Variants in OR10G8 observed in about 807,000 individuals in gnomAD.
The protein encoded by OR10G8 is olfactory receptor family 10 subfamily G member 8.
For synonymous variants in OR10G8, 173 were observed against 163.2 expected (o/e 1.06, Z -0.46); for missense variants, 386 against 384.9 (o/e 1.00, Z -0.02).
At position 124,030,401 on chromosome 11, in the gene OR10G8, G is replaced by A; in HGVS notation, c.779G>A (p.Arg260Lys). ...FFGPGLFIYL[R>K]PGSRKAVDGV... ...GGCCCTGGTCTTTTCATTTACCTGAGGCCAGGCTCCAGGAAAGCTGTGGAT... is the reference window on the plus strand; with the variant it reads ...GGCCCTGGTCTTTTCATTTACCTGAAGCCAGGCTCCAGGAAAGCTGTGGAT... The change falls in exon 2 of 2, where the codon AGG becomes AAG. Residue 260 changes from arginine (R) to lysine (K), a missense_variant. Arg to Lys is a conservative substitution (Grantham distance 26). Transcript: ENST00000641224. 1 of 1,614,164 alleles carries A rather than the reference G, an allele frequency of 6.2e-7. No homozygotes were observed. The highest frequency in any genetic ancestry group is 1.1e-5 in the South Asian group (1 of 91,084).
At chr11:124,027,419 A>T (rs1471996300) in intron 1 of OR10G8, among the ~76,000 whole-genome samples, 2 of 152,212 alleles carry the variant, frequency 1.3e-5, no homozygotes, top group Non-Finnish European at 2.9e-5. Flanking sequence ...AGATAGATAG[A>T]TAGTAATTGA....
intron 1 of OR10G8, among the ~76,000 whole-genome samples, chr11:124,028,914 C>T (rs1330785375): frequency 6.6e-6 from 1 of 151,964 alleles, no homozygotes; most frequent in Non-Finnish European, 1.5e-5. Context: ...TTTGAGTATG[C>T]CTGGGACCTG....
intron 1 of OR10G8, among the ~76,000 whole-genome samples, 157 bp from the exon 2 acceptor site, chr11:124,029,439 G>C (rs1275013723): frequency 6.6e-6 from 1 of 152,134 alleles, no homozygotes; most frequent in African/African-American, 2.4e-5. Context: ...AGAAAGACTA[G>C]GAAATCACTT....
Position 124,030,433 on chromosome 11 carries a change from G to T in OR10G8, c.811G>T (p.Val271Leu), listed in dbSNP as rs1864148372. 1 of 1,614,224 alleles carries T rather than the reference G, an allele frequency of 6.2e-7. No homozygotes were observed. Among genetic ancestry groups the T allele is most frequent in the Non-Finnish European group, 8.5e-7 (1 of 1,180,040 alleles). Residue 271 changes from valine to leucine, a missense_variant, in exon 2 of 2, where the codon GTG becomes TTG. By Grantham distance (32) the Val-to-Leu change is conservative. Coordinates refer to ENST00000641224, the MANE Select transcript of OR10G8 (RefSeq NM_001004464.2). ...PGSRKAVDGVVAVFYTVLTPL... is the reference protein window; with the variant it reads ...PGSRKAVDGVLAVFYTVLTPL... ...CTCCAGGAAAGCTGTGGATGGAGTTGTGGCCGTTTTCTACACTGTGCTGAC... is the reference window on the plus strand; with the variant it reads ...CTCCAGGAAAGCTGTGGATGGAGTTTTGGCCGTTTTCTACACTGTGCTGAC...
chr11:124,030,077 C>A lies in OR10G8; in HGVS notation c.455C>A (p.Ser152Tyr). 6.2e-7 allele frequency: 1 copy of A among 1,614,072 alleles called. No individual in the cohort carries two copies. Among genetic ancestry groups the A allele is most frequent in the Non-Finnish European group, 8.5e-7 (1 of 1,179,952 alleles). The change falls in exon 2 of 2, where the codon TCT becomes TAT. Residue 152 changes from serine (S) to tyrosine (Y), a missense_variant. Transcript: ENST00000641224. ...LLATSTWLSG[S>Y]LHSAVQAILT... ...GCCACCAGCACTTGGCTCAGTGGCT[C>A]TCTGCACTCTGCTGTCCAGGCCATA...
At chr11:124,029,068 C>CT (rs1158624273) in intron 1 of OR10G8, among the ~76,000 whole-genome samples, 2 of 152,112 alleles carry the variant, frequency 1.3e-5, no homozygotes, top group Non-Finnish European at 2.9e-5. Context: ...CTAGGACTTT[C>CT]TTGGACCTAG....
chr11:124,029,900 T>G lies in OR10G8; in HGVS notation c.278T>G (p.Phe93Cys). The stretch of plus-strand genomic sequence containing the variant: ...TTCCCAAGTGGCAGGGCTATCTCCT[T>G]CCACAGCTGCATGGCTCAGCTCTAT... ...LVFPSGRAISFHSCMAQLYFF... is the reference protein window; with the variant it reads ...LVFPSGRAISCHSCMAQLYFF... The change falls in exon 2 of 2, where the codon TTC becomes TGC. Residue 93 changes from phenylalanine (F) to cysteine (C), a missense_variant. Transcript: ENST00000641224. The G allele has an allele frequency of 1.2e-6, 2 of 1,614,132 alleles. No homozygotes were observed. Among genetic ancestry groups the G allele is most frequent in the South Asian group, 2.2e-5 (2 of 91,074 alleles).
chr11:124,030,628 T>C lies in OR10G8; in HGVS notation c.*70T>C, dbSNP rs1332785578. ...TGAAAAACATACAGGGGCAGGTATCTTTTGGATGTAATGAATTCTTTTCCT... is the reference window on the plus strand; with the variant it reads ...TGAAAAACATACAGGGGCAGGTATCCTTTGGATGTAATGAATTCTTTTCCT... On this transcript the variant is annotated 3_prime_UTR_variant, in exon 2 of 2. Transcript: ENST00000641224. 4.8e-6 allele frequency: 6 copies of C among 1,250,356 alleles called. No homozygotes were observed. The highest frequency in any genetic ancestry group is 6.7e-6 in the Non-Finnish European group (6 of 901,744). 77.5% of individuals were successfully genotyped at this position (1,250,356 alleles called of 1,614,324 possible). A position where few individuals can be genotyped will look rare whatever the true frequency, so the allele number is the denominator to read the frequency against.
chr11:124,030,512 C>T lies in OR10G8; in HGVS notation c.890C>T (p.Ala297Val). ...CTGAGGAACAAGGAGGTGAAGAAAGCTCTGTTGAAGCTGAAAGACAAAGTA... is the reference window on the plus strand; with the variant it reads ...CTGAGGAACAAGGAGGTGAAGAAAGTTCTGTTGAAGCTGAAAGACAAAGTA... ...YTLRNKEVKK[A>V]LLKLKDKVAH... Residue 297 changes from alanine to valine, a missense_variant, in exon 2 of 2, where the codon GCT (alanine) becomes GTT (valine). Transcript: ENST00000641224. 1.2e-6 allele frequency: 2 copies of T among 1,607,122 alleles called. No homozygotes were observed. The highest frequency in any genetic ancestry group is 1.3e-5 in the African/African-American group (1 of 74,596).
rs770738341 is a variant in OR10G8 at position 124,029,911 on chromosome 11, A to G, written c.289A>G (p.Met97Val). 131 of 1,613,966 alleles carry G rather than the reference A, an allele frequency of 8.1e-5. 1 individual carries two copies. The South Asian group carries it at 1.0e-3, about 13-fold the overall frequency. Residue 97 changes from methionine to valine, a missense_variant, in exon 2 of 2, where the codon ATG becomes GTG. Physicochemically the swap from Met to Val is conservative, Grantham distance 21. Transcript: ENST00000641224. ...CAGGGCTATCTCCTTCCACAGCTGCATGGCTCAGCTCTATTTCTTTCACTT... is the reference window on the plus strand; with the variant it reads ...CAGGGCTATCTCCTTCCACAGCTGCGTGGCTCAGCTCTATTTCTTTCACTT... The part of the protein sequence containing the change: ...SGRAISFHSC[M>V]AQLYFFHFLG...
intron 1 of OR10G8, 144 bp from the exon 2 acceptor site, chr11:124,029,452 T>C: frequency 1.4e-6 from 1 of 720,484 alleles, no homozygotes; most frequent in Non-Finnish European, 2.3e-6. Context: ...AATCACTTCA[T>C]TAGTTTATGA....
rs754515552 is a variant in OR10G8, at chr11:124,029,886, C to G, written c.264C>G (p.Gly88=). 12 of 1,614,068 alleles carry G rather than the reference C, an allele frequency of 7.4e-6. No homozygotes were observed. The highest frequency in any genetic ancestry group is 1.0e-5 in the Non-Finnish European group (12 of 1,180,040). Residue 88 remains glycine, a synonymous_variant, in exon 2 of 2, where the codon GGC becomes GGG. Transcript: ENST00000641224. The part of the protein sequence containing the change: ...KLLMTLVFPS[G]RAISFHSCMA... Reference sequence around the variant, plus strand: ...TGATGACTTTGGTGTTCCCAAGTGGCAGGGCTATCTCCTTCCACAGCTGCA... The same window carrying G: ...TGATGACTTTGGTGTTCCCAAGTGGGAGGGCTATCTCCTTCCACAGCTGCA...
At chr11:124,026,901 T>TA (rs1374141517) in intron 1 of OR10G8, 34 bp downstream of exon 1, 1 of 152,168 alleles carries the variant, frequency 6.6e-6, no homozygotes, top group Non-Finnish European at 1.5e-5. Flanking sequence ...AAGGTACAAA[T>TA]ACTGATTCCA....
At chr11:124,028,490 C>A (rs190152550) in intron 1 of OR10G8, among the ~76,000 whole-genome samples, 6 of 152,304 alleles carry the variant, frequency 3.9e-5, no homozygotes, top group Admixed American at 3.9e-4. Context: ...GAAGGACTCT[C>A]TGAAAACACT....
Position 124,029,591 on chromosome 11 carries a change from C to T in OR10G8, c.-27-5C>T. 1 of 1,599,334 alleles carries T rather than the reference C, an allele frequency of 6.3e-7. No homozygotes were observed. Among genetic ancestry groups the T allele is most frequent in the Non-Finnish European group, 8.5e-7 (1 of 1,170,604 alleles). ...CTAAATGCTGGGTGCTCTTTATATT[C>T]CCAGAGGGAGAGAGACCAAGGGTGA... On this transcript the variant is annotated splice_region_variant and splice_polypyrimidine_tract_variant and intron_variant, in intron 1 of 1. Coordinates refer to ENST00000641224, the MANE Select transcript of OR10G8 (RefSeq NM_001004464.2).
chr11:124,026,920 TG>T (rs780675929), intron 1 of OR10G8, 53 bp downstream of exon 1: 1 of 152,188 alleles, frequency 6.6e-6, no homozygotes, highest in Non-Finnish European at 1.5e-5. Flanking sequence ...CAGGAAGGCA[TG>T]GGCTCATCTC....
Position 124,029,887 on chromosome 11 carries a change from A to G in OR10G8, c.265A>G (p.Arg89Gly), listed in dbSNP as rs780775572. 1.9e-6 allele frequency: 3 copies of G among 1,614,142 alleles called. No homozygotes were observed. Among genetic ancestry groups the G allele is most frequent in the South Asian group, 2.2e-5 (2 of 91,070 alleles). ...GATGACTTTGGTGTTCCCAAGTGGC[A>G]GGGCTATCTCCTTCCACAGCTGCAT... ...LLMTLVFPSG[R>G]AISFHSCMAQ... Residue 89 changes from arginine to glycine, a missense_variant, in exon 2 of 2, where the codon AGG (arginine) becomes GGG (glycine). Transcript: ENST00000641224.
In OR10G8 at chr11:124,029,979, T is replaced by C; in HGVS notation, c.357T>C (p.Cys119=). The C allele has an allele frequency of 6.2e-7, 1 of 1,614,176 alleles. No individual in the cohort carries two copies. Residue 119 remains cysteine, a synonymous_variant, in exon 2 of 2, where the codon TGT becomes TGC. Transcript: ENST00000641224. ...TECFLYRVMS[C]DRYLAISYPL... The stretch of plus-strand genomic sequence containing the variant: ...GTTTCCTCTACAGGGTCATGTCCTG[T>C]GATCGCTACCTGGCCATCAGTTACC...
rs2137564485 is a variant in OR10G8, at chr11:124,030,113, A to G, written c.491A>G (p.His164Arg). The G allele has an allele frequency of 1.2e-6, 2 of 1,613,632 alleles. No individual in the cohort carries two copies. Among genetic ancestry groups the G allele is most frequent in the South Asian group, 2.2e-5 (2 of 91,058 alleles). ...GCTGTCCAGGCCATATTGACTTTCC[A>G]TTTGCCCTACTGTGGACCCAACTGG... ...HSAVQAILTF[H>R]LPYCGPNWIQ... Residue 164 changes from histidine (H) to arginine (R), a missense_variant, in exon 2 of 2, where the codon CAT becomes CGT. Transcript: ENST00000641224.
Sources: allele counts gnomAD v4.1 joint callset (sites outside exome capture counted in the v4.1 genomes callset), GRCh38; gene constraint gnomAD v4.1.1; transcripts MANE v1.5; gene names NCBI Gene and HGNC (gene_info 2026-07-23, HGNC 2026-07-21).